The following RPA1 variants were observed in gnomAD, a reference collection of about 807,000 sequenced individuals.
RPA1 encodes replication protein A1, also known as replication protein A 70 kDa DNA-binding subunit.
RPA1 carries 49 observed loss-of-function variants against 83.0 expected under a neutral mutation model. That is an observed-to-expected ratio of 0.59 (90% CI 0.47 to 0.75). The LOEUF (loss-of-function observed/expected upper bound fraction) is 0.75. Among genes scored for constraint, RPA1 ranks in the 30% least tolerant of loss-of-function variants. The pLI, the probability that RPA1 is intolerant of heterozygous loss-of-function variation, is 0.00. For missense variants in RPA1, 693 were observed against 776.1 expected, an observed-to-expected ratio of 0.89 and a Z score of 1.27; for synonymous variants, 279 against 281.8, an observed-to-expected ratio of 0.99 and a Z score of 0.10.
At chr17:1,878,220 G>GT (rs1456912831) in intron 8 of RPA1, among the ~76,000 whole-genome samples, 4 of 152,180 alleles carry the variant, frequency 2.6e-5, no homozygotes, top group Non-Finnish European at 5.9e-5. Flanking sequence ...GGGCGACAGA[G>GT]TGAGACTCCA....
intron 15 of RPA1, 61 bp downstream of exon 15, chr17:1,892,001 G>C: frequency 8.5e-7 from 1 of 1,175,732 alleles, no homozygotes. Context: ...CTATAACACT[G>C]ACCCCACACA....
chr17:1,857,389 C>T (rs1246817023), intron 5 of RPA1, among the ~76,000 whole-genome samples: 1 of 150,810 alleles, frequency 6.6e-6, no homozygotes, highest in Admixed American at 6.6e-5. Context: ...AAAGAAATAA[C>T]CATTAATATG....
rs34892322 is a variant in RPA1 at position 1,872,708 on chromosome 17, C to CTTT, written c.454+201_454+203dup. 5.5e-4 allele frequency among the ~76,000 whole-genome samples: 62 copies of CTTT among 113,024 alleles called. 1 individual carries two copies. The East Asian group carries it at 6.1e-3, about 11-fold the overall frequency. 74.1% of individuals were successfully genotyped at this position (113,024 alleles called of 152,430 possible). On this transcript the variant is annotated intron_variant, in intron 6 of 16. Coordinates refer to ENST00000254719, the MANE Select transcript of RPA1 (RefSeq NM_002945.5). ...GATTGAAAAAATAATTAAAGATTGT[C>CTTT]TTTTTTTTTTTTTTTTTTTTTGGAA...
intron 5 of RPA1, chr17:1,858,470 C>CTTT (rs71375561): frequency 4.4e-5 from 42 of 964,582 alleles, no homozygotes; most frequent in East Asian, 2.7e-4. Flanking sequence ...CTCTCTTTTT[C>CTTT]TTTTTTTTTT....
intron 1 of RPA1, among the ~76,000 whole-genome samples, chr17:1,838,108 A>G (rs545816393): frequency 1.3e-5 from 2 of 151,798 alleles, no homozygotes; most frequent in South Asian, 2.1e-4. Flanking sequence ...CCTGGCCAAC[A>G]TGGAGAAATC....
chr17:1,843,480 C>A (rs552693088), intron 2 of RPA1, among the ~76,000 whole-genome samples: 3 of 152,018 alleles, frequency 2.0e-5, no homozygotes, highest in African/African-American at 4.8e-5. Flanking sequence ...ACATCACTTA[C>A]GTCTCTCTGC....
chr17:1,838,389 A>C (rs1474311930), intron 1 of RPA1, among the ~76,000 whole-genome samples: 1 of 151,758 alleles, frequency 6.6e-6, no homozygotes, highest in Non-Finnish European at 1.5e-5. Context: ...AGAACACCTG[A>C]GGTCAGGAGT....
chr17:1,865,265 A>G (rs541035486), intron 5 of RPA1, among the ~76,000 whole-genome samples: 43 of 152,344 alleles, frequency 2.8e-4, no homozygotes, highest in Non-Finnish European at 5.1e-4. Context: ...CCCAGTGAGA[A>G]CAGTTTCCAT....
chr17:1,891,209 A>G (rs1178977195), intron 14 of RPA1, among the ~76,000 whole-genome samples: 1 of 152,200 alleles, frequency 6.6e-6, no homozygotes, highest in Non-Finnish European at 1.5e-5. Flanking sequence ...ATGTTACACC[A>G]CAGCCCAGTG....
chr17:1,831,064 C>T (rs1207108197), intron 1 of RPA1, among the ~76,000 whole-genome samples: 8 of 152,152 alleles, frequency 5.3e-5, no homozygotes, highest in Non-Finnish European at 1.0e-4. Context: ...CCGCGCCTGG[C>T]CCCAAGGCAA....
chr17:1,871,825 C>T (rs1358215261), intron 5 of RPA1, among the ~76,000 whole-genome samples: 2 of 152,100 alleles, frequency 1.3e-5, no homozygotes, highest in Admixed American at 6.6e-5. Context: ...ATTGTCATCT[C>T]TCCCCGCTGT....
intron 5 of RPA1, among the ~76,000 whole-genome samples, chr17:1,860,273 T>C (rs7224015): frequency 0.37 from 56,172 of 151,932 alleles, 12,763 homozygotes; most frequent in Non-Finnish European, 0.53. Flanking sequence ...GTGGACTGCC[T>C]GGACTGGGGC....
chr17:1,888,894 AG>A, intron 14 of RPA1, 43 bp downstream of exon 14: 1 of 1,584,080 alleles, frequency 6.3e-7, no homozygotes, highest in South Asian at 1.1e-5. Context: ...GTGTTCACGG[AG>A]GCCCTCCCGT....
intron 2 of RPA1, among the ~76,000 whole-genome samples, chr17:1,843,322 C>T (rs1220837496): frequency 6.6e-6 from 1 of 151,768 alleles, no homozygotes; most frequent in Admixed American, 6.6e-5. Flanking sequence ...GGTTTTCAGT[C>T]GGCCGGTCTG....
chr17:1,892,603 CT>C (rs571898509), intron 15 of RPA1, among the ~76,000 whole-genome samples: 59 of 152,248 alleles, frequency 3.9e-4, no homozygotes, highest in African/African-American at 1.3e-3. Flanking sequence ...TACAGGCATG[CT>C]TTTTTAACAT....
At chr17:1,831,251 T>C (rs1911561256) in intron 1 of RPA1, among the ~76,000 whole-genome samples, 1 of 152,224 alleles carries the variant, frequency 6.6e-6, no homozygotes, top group South Asian at 2.1e-4. Context: ...CTGGGCCTCT[T>C]GATCCCTATC....
chr17:1,895,668 T>TA (rs201015509), intron 16 of RPA1, among the ~76,000 whole-genome samples: 1,630 of 127,510 alleles, frequency 0.013, 31 homozygotes, highest in African/African-American at 0.046. Context: ...AGTATTTATT[T>TA]ATTTATTTAT....
chr17:1,894,693 G>A (rs557875220), intron 15 of RPA1, among the ~76,000 whole-genome samples: 3 of 152,258 alleles, frequency 2.0e-5, no homozygotes, highest in African/African-American at 7.2e-5. Context: ...TGGAGGGAAG[G>A]GGAGAATGGA....
At chr17:1,891,500 A>ACCACCG in intron 14 of RPA1, 1 of 87,536 alleles carries the variant, frequency 1.1e-5, no homozygotes. Context: ...GCTCGCTGCA[A>ACCACCG]CCTCCGCCTC....
Sources: gnomAD v4.1 joint callset for allele counts (sites outside exome capture counted in the v4.1 genomes callset) on GRCh38, gnomAD v4.1.1 for gene constraint, MANE v1.5 for transcripts, NCBI Gene and HGNC (gene_info 2026-07-23, HGNC 2026-07-21) for gene names.